Variants in ADGB observed in about 807,000 individuals in gnomAD.
ADGB encodes calpain-7-like protein.
ADGB carries 172 observed loss-of-function variants against 210.5 expected under a neutral mutation model. The ratio of observed to expected loss-of-function variants is 0.82; its 90% CI spans 0.72 to 0.93. The LOEUF (loss-of-function observed/expected upper bound fraction) is 0.93. Among genes scored for constraint, ADGB ranks in the 40% least tolerant of loss-of-function variants. The pLI is 0.00. For missense variants in ADGB, 2,025 were observed against 1,964.8 expected (o/e 1.03, Z -0.58); for synonymous variants, 658 against 662.7 (o/e 0.99, Z 0.11).
Position 146,721,521 on chromosome 6 carries a change from G to T in ADGB, c.2095+16G>T. 5.9e-6 allele frequency: 7 copies of T among 1,187,136 alleles called. No homozygotes were observed. Among genetic ancestry groups the T allele is most frequent in the Non-Finnish European group, 7.9e-6 (7 of 886,672 alleles). 73.5% of individuals were successfully genotyped at this position (1,187,136 alleles called of 1,614,324 possible). ...GAGTATGGAGGTAAGAGGGCTCTGA[G>T]AAAATGATAGCCTTAAAGCCTAGAT... On this transcript the variant is annotated intron_variant, in intron 17 of 35. Coordinates refer to ENST00000397944, the MANE Select transcript of ADGB (RefSeq NM_024694.4).
chr6:146,714,661 C>T (rs1396230186), intron 13 of ADGB, among the ~76,000 whole-genome samples: 2 of 152,246 alleles, frequency 1.3e-5, no homozygotes, highest in Non-Finnish European at 1.5e-5. Context: ...CAACCCATGT[C>T]GGTGTTTTAA....
intron 28 of ADGB, among the ~76,000 whole-genome samples, chr6:146,768,050 C>T (rs762058498): frequency 7.2e-5 from 11 of 151,998 alleles, no homozygotes; most frequent in Non-Finnish European, 1.5e-4. Context: ...CATAGAAAAG[C>T]TTAACACTTG....
At chr6:146,682,109 A>C (rs1259445841) in intron 9 of ADGB, among the ~76,000 whole-genome samples, 1 of 152,098 alleles carries the variant, frequency 6.6e-6, no homozygotes, top group Non-Finnish European at 1.5e-5. Context: ...ATCATATATA[A>C]TCTTTAACAA....
intron 5 of ADGB, among the ~76,000 whole-genome samples, chr6:146,659,439 A>G (rs922607346): frequency 6.6e-6 from 1 of 151,688 alleles, no homozygotes; most frequent in Non-Finnish European, 1.5e-5. Context: ...TTCTTATTGG[A>G]AATTGATTTT....
intron 18 of ADGB, chr6:146,724,538 C>A: frequency 2.8e-6 from 1 of 361,730 alleles, no homozygotes; most frequent in Non-Finnish European, 4.8e-6. Context: ...TTGGGAGATT[C>A]ATAATTGTCA....
chr6:146,791,984 G>A (rs895272896), intron 33 of ADGB, among the ~76,000 whole-genome samples: 1 of 135,632 alleles, frequency 7.4e-6, no homozygotes, highest in Non-Finnish European at 1.5e-5. Context: ...TGCCCTGGCT[G>A]TTCTTGAATT....
chr6:146,753,703 A>G (rs1777359856), intron 27 of ADGB, among the ~76,000 whole-genome samples: 1 of 151,870 alleles, frequency 6.6e-6, no homozygotes, highest in Non-Finnish European at 1.5e-5. Flanking sequence ...TTTGAGTTTA[A>G]TAAGTTTAGT....
At chr6:146,769,263 C>T in intron 29 of ADGB, 132 bp downstream of exon 29, 1 of 478,442 alleles carries the variant, frequency 2.1e-6, no homozygotes, top group Non-Finnish European at 3.8e-6. Flanking sequence ...AATTTGTACT[C>T]TATATCCTGT....
chr6:146,620,860 C>T (rs560452637), intron 1 of ADGB, among the ~76,000 whole-genome samples: 24 of 152,130 alleles, frequency 1.6e-4, no homozygotes, highest in East Asian at 1.2e-3. Context: ...CCTGAGTTTT[C>T]GCAACTCTTA....
intron 12 of ADGB, among the ~76,000 whole-genome samples, chr6:146,694,964 C>T (rs905433107): frequency 6.6e-6 from 1 of 152,056 alleles, no homozygotes; most frequent in African/African-American, 2.4e-5. Flanking sequence ...AAAATTTGGG[C>T]TAAATTAACC....
chr6:146,696,303 T>C (rs1451690541), intron 12 of ADGB, among the ~76,000 whole-genome samples: 1 of 152,140 alleles, frequency 6.6e-6, no homozygotes, highest in African/African-American at 2.4e-5. Context: ...CTCTATCTCC[T>C]GACCTCAGGT....
chr6:146,644,183 A>G (rs1775570313), intron 2 of ADGB, among the ~76,000 whole-genome samples: 1 of 151,872 alleles, frequency 6.6e-6, no homozygotes, highest in Admixed American at 6.6e-5. Flanking sequence ...GTTTCACAAG[A>G]TGTTACAATT....
At chr6:146,762,526 A>G (rs1192209785) in intron 27 of ADGB, among the ~76,000 whole-genome samples, 2 of 151,942 alleles carry the variant, frequency 1.3e-5, no homozygotes, top group East Asian at 3.9e-4. Context: ...TCTATTGACT[A>G]TTTTCTCAAG....
At chr6:146,680,691 T>C (rs546162789) in intron 9 of ADGB, among the ~76,000 whole-genome samples, 1 of 152,312 alleles carries the variant, frequency 6.6e-6, no homozygotes, top group South Asian at 2.1e-4. Flanking sequence ...AAATCTGCTA[T>C]TCTAGGCAGT....
intron 16 of ADGB, among the ~76,000 whole-genome samples, chr6:146,721,037 A>G (rs1238933473): frequency 6.6e-6 from 1 of 152,188 alleles, no homozygotes; most frequent in Non-Finnish European, 1.5e-5. Context: ...TTCTTACTCT[A>G]TGGCCTTCCT....
chr6:146,746,095 G>A lies in ADGB; in HGVS notation c.3351G>A (p.Lys1117=). 2 of 1,539,814 alleles carry A rather than the reference G, an allele frequency of 1.3e-6. No homozygotes were observed. Among genetic ancestry groups the A allele is most frequent in the South Asian group, 2.4e-5 (2 of 81,826 alleles). Residue 1117 remains lysine, a synonymous_variant, in exon 26 of 36, where the codon AAG becomes AAA. Transcript: ENST00000397944. ...EIRDYYIPND[K]KILFRYSVKV... is the part of the protein sequence containing the mutation. ...GAGATTACTACATACCCAATGATAA[G>A]AAAATTTTATTCAGGTACAAGTAAA... is the stretch of plus-strand genomic sequence containing the variant.
intron 29 of ADGB, among the ~76,000 whole-genome samples, chr6:146,771,418 G>A (rs1468711316): frequency 6.6e-6 from 1 of 151,550 alleles, no homozygotes; most frequent in Non-Finnish European, 1.5e-5. Context: ...ATTTCTCTTT[G>A]CATGTTACCA....
intron 35 of ADGB, among the ~76,000 whole-genome samples, chr6:146,813,326 G>C (rs929236946): frequency 2.6e-5 from 4 of 152,100 alleles, no homozygotes; most frequent in African/African-American, 9.7e-5. Flanking sequence ...AGTTTCAAGT[G>C]GAATTTCATG....
intron 35 of ADGB, among the ~76,000 whole-genome samples, chr6:146,812,896 G>A (rs1778323158): frequency 1.3e-5 from 2 of 152,322 alleles, no homozygotes; most frequent in African/African-American, 2.4e-5. Context: ...TTTGACACAA[G>A]GTTGTGAAGA....
Sources: allele counts gnomAD v4.1 joint callset (sites outside exome capture counted in the v4.1 genomes callset), GRCh38; gene constraint gnomAD v4.1.1; transcripts MANE v1.5; gene names NCBI Gene and HGNC (gene_info 2026-07-23, HGNC 2026-07-21).